The following NPAS3 variants were observed in gnomAD, a reference collection of about 807,000 sequenced individuals.
NPAS3 encodes the protein neuronal PAS domain protein 3.
NPAS3 carries 14 observed loss-of-function variants against 73.1 expected under a neutral mutation model. That is an observed-to-expected ratio of 0.19 (90% CI 0.13 to 0.30). NPAS3 has a LOEUF of 0.30. Ranked by LOEUF, NPAS3 falls within the 10% of genes least tolerant of loss-of-function variation. The probability of loss-of-function intolerance (pLI) is 1.00; values close to 1 mark genes in which losing one functional copy is unlikely to be tolerated. For missense variants in NPAS3, 1,096 were observed against 1,250.0 expected (o/e 0.88, Z 1.86); for synonymous variants, 620 against 541.5 (o/e 1.14, Z -2.01).
At chr14:33,598,929 A>T (rs1452996133) in intron 5 of NPAS3, among the ~76,000 whole-genome samples, 1 of 152,240 alleles carries the variant, frequency 6.6e-6, no homozygotes, top group Non-Finnish European at 1.5e-5. Flanking sequence ...TGGCTTTAAA[A>T]TAAAGGCTAT....
chr14:33,668,047 A>G (rs7152838), intron 5 of NPAS3, among the ~76,000 whole-genome samples: 102,398 of 152,070 alleles, frequency 0.67, 34,609 homozygotes, highest in East Asian at 0.8. Context: ...TGACACGGAG[A>G]AGGAGAGCCA....
At chr14:32,935,353 T>A (rs1470080871), upstream of NPAS3, among the ~76,000 whole-genome samples, 1 of 152,154 alleles carries the variant, frequency 6.6e-6, no homozygotes, top group Non-Finnish European at 1.5e-5. Flanking sequence ...TCTCAATGCC[T>A]CAGCCGGATG....
intron 2 of NPAS3, among the ~76,000 whole-genome samples, chr14:33,142,191 C>CTTTTTTTTTTTTTTTTTTTTTTTTTTATT (rs10709910): frequency 2.6e-5 from 1 of 38,084 alleles, no homozygotes; most frequent in Non-Finnish European, 4.4e-5. Flanking sequence ...TTTGTATAAG[C>CTTTTTTTTTTTTTTTTTTTTTTTTTTATT]TTTTTTTTTT....
chr14:32,963,457 C>T (rs781175296), intron 1 of NPAS3, among the ~76,000 whole-genome samples: 11 of 152,150 alleles, frequency 7.2e-5, no homozygotes, highest in Admixed American at 2.0e-4. Context: ...GACAGGTTAT[C>T]CTTTTACCTC....
intron 4 of NPAS3, among the ~76,000 whole-genome samples, chr14:33,436,492 C>CA (rs1282555831): frequency 6.6e-6 from 1 of 152,162 alleles, no homozygotes; most frequent in Non-Finnish European, 1.5e-5. Flanking sequence ...CACTAAACCA[C>CA]AAAAAGTTCC....
At chr14:33,528,032 T>A (rs970585524) in intron 4 of NPAS3, among the ~76,000 whole-genome samples, 2 of 152,102 alleles carry the variant, frequency 1.3e-5, no homozygotes, top group Admixed American at 1.3e-4. Flanking sequence ...ATATATTAAT[T>A]TCTGTGTTCT....
intron 1 of NPAS3, among the ~76,000 whole-genome samples, chr14:33,031,489 T>C (rs1270582819): frequency 6.6e-6 from 1 of 152,086 alleles, no homozygotes; most frequent in Non-Finnish European, 1.5e-5. Context: ...ACTATGTGCT[T>C]TTCTGTTTGT....
At chr14:33,463,193 G>C (rs368644283) in intron 4 of NPAS3, among the ~76,000 whole-genome samples, 1 of 152,062 alleles carries the variant, frequency 6.6e-6, no homozygotes, top group Non-Finnish European at 1.5e-5. Flanking sequence ...CATCTTGGCC[G>C]GCCCATTTCC....
intron 2 of NPAS3, among the ~76,000 whole-genome samples, chr14:33,196,339 C>T (rs2046351121): frequency 6.6e-6 from 1 of 152,200 alleles, no homozygotes. Flanking sequence ...GCATGAACGG[C>T]AAAGATGGAC....
chr14:33,062,161 C>G (rs1014895228), intron 2 of NPAS3, among the ~76,000 whole-genome samples: 30 of 152,174 alleles, frequency 2.0e-4, no homozygotes, highest in African/African-American at 7.2e-4. Flanking sequence ...AAGAATTACC[C>G]TGGAGGTGGA....
chr14:33,066,000 T>A (rs2041265351), intron 2 of NPAS3, among the ~76,000 whole-genome samples: 1 of 152,104 alleles, frequency 6.6e-6, no homozygotes, highest in South Asian at 2.1e-4. Context: ...GCACAAAGCA[T>A]CCTGTCCTGT....
intron 5 of NPAS3, among the ~76,000 whole-genome samples, chr14:33,602,170 G>T (rs2057418172): frequency 6.6e-6 from 1 of 152,210 alleles, no homozygotes; most frequent in Non-Finnish European, 1.5e-5. Context: ...GCAGAGGGTT[G>T]CCCCTAAGTA....
At chr14:33,200,824 A>G (rs1020241542) in intron 2 of NPAS3, among the ~76,000 whole-genome samples, 2 of 152,170 alleles carry the variant, frequency 1.3e-5, no homozygotes, top group African/African-American at 4.8e-5. Context: ...CACAGGACCC[A>G]CTATTCCCTG....
intron 4 of NPAS3, among the ~76,000 whole-genome samples, chr14:33,475,206 C>G (rs1475999738): frequency 6.6e-6 from 1 of 152,020 alleles, no homozygotes; most frequent in Non-Finnish European, 1.5e-5. Context: ...AAGAGAAGGC[C>G]TCAGATTGAA....
At chr14:33,574,851 GA>G (rs2056370673) in intron 5 of NPAS3, among the ~76,000 whole-genome samples, 2 of 152,248 alleles carry the variant, frequency 1.3e-5, no homozygotes, top group South Asian at 2.1e-4. Flanking sequence ...GTGGGAGGGG[GA>G]AAGGAGAGAG....
At chr14:33,731,851 A>G (rs2061410786) in intron 6 of NPAS3, among the ~76,000 whole-genome samples, 1 of 152,190 alleles carries the variant, frequency 6.6e-6, no homozygotes, top group Admixed American at 6.5e-5. Flanking sequence ...AGCCAAATAG[A>G]GTATATTTCT....
At chr14:33,560,432 C>A (rs182799498) in intron 5 of NPAS3, 13 of 410,202 alleles carry the variant, frequency 3.2e-5, no homozygotes, top group African/African-American at 6.1e-5. Context: ...TCCCCACCCC[C>A]CAAGGATCAT....
Position 33,800,189 on chromosome 14 carries a change from G to A in NPAS3, c.1882G>A (p.Ala628Thr), listed in dbSNP as rs1225306450. The change falls in exon 12 of 12, where the codon GCG becomes ACG. Residue 628 changes from alanine to threonine, a missense_variant. Physicochemically the swap from Ala to Thr is moderately conservative, Grantham distance 58 (BLOSUM62 0). Transcript: ENST00000356141. The surrounding 1 kb of genome is among the most constrained non-coding windows in gnomAD (Gnocchi z 6.5). ...CGCGTCGAGCCCAGGCGGCCTGGAC[G>A]CGGGCCTGGTGGAGCCCCCGCGGCT... is the stretch of plus-strand genomic sequence containing the variant. 5.0e-6 allele frequency: 8 copies of A among 1,611,470 alleles called. No individual in the cohort carries two copies. The highest frequency in any genetic ancestry group is 4.0e-5 in the African/African-American group (3 of 74,908).
At chr14:33,723,663 G>T (rs1420285011) in intron 6 of NPAS3, among the ~76,000 whole-genome samples, 2 of 150,546 alleles carry the variant, frequency 1.3e-5, no homozygotes, top group African/African-American at 4.9e-5. Flanking sequence ...CACTGCTTCT[G>T]CTGCCACTTC....
Sources: allele counts gnomAD v4.1 joint callset (sites outside exome capture counted in the v4.1 genomes callset), GRCh38; gene constraint gnomAD v4.1.1; non-coding constraint Gnocchi (gnomAD v3.1); transcripts MANE v1.5; gene names NCBI Gene and HGNC (gene_info 2026-07-23, HGNC 2026-07-21).